Variants in UROC1 observed in about 807,000 individuals in gnomAD.
UROC1 encodes urocanate hydratase.
In UROC1, 79 loss-of-function variants were observed where a neutral mutation model predicts 89.5. The ratio of observed to expected loss-of-function variants is 0.88; its 90% CI spans 0.74 to 1.06. UROC1 has a LOEUF of 1.06. UROC1 is among the 50% of genes least tolerant of loss of function. The pLI is 0.00. For missense variants in UROC1, 885 were observed against 907.8 expected (o/e 0.97, Z 0.32); for synonymous variants, 361 against 354.8 (o/e 1.02, Z -0.20).
intron 15 of UROC1, among the ~76,000 whole-genome samples, chr3:126,494,842 G>A (rs1935742271): frequency 6.9e-6 from 1 of 144,444 alleles, no homozygotes; most frequent in African/African-American, 2.6e-5. Context: ...CCTCCCTGCT[G>A]GTGCTTTCCT....
chr3:126,510,017 A>G (rs1159875062), intron 2 of UROC1, among the ~76,000 whole-genome samples: 1 of 152,234 alleles, frequency 6.6e-6, no homozygotes, highest in Non-Finnish European at 1.5e-5. Context: ...ACTTTTGGGC[A>G]CCAATTCTCC....
At chr3:126,515,102 C>T (rs1358876498) in intron 1 of UROC1, among the ~76,000 whole-genome samples, 1 of 152,086 alleles carries the variant, frequency 6.6e-6, no homozygotes, top group East Asian at 1.9e-4. Flanking sequence ...CAGGTGGCCA[C>T]TCCTCCACCT....
At chr3:126,499,273 C>T in intron 13 of UROC1, 64 bp downstream of exon 13, 1 of 1,567,834 alleles carries the variant, frequency 6.4e-7, no homozygotes, top group Non-Finnish European at 8.7e-7. Flanking sequence ...ACCCAGGACG[C>T]AGACCCTGAA....
Position 126,489,336 on chromosome 3 carries a change from C to T in UROC1, c.1648G>A (p.Gly550Ser), listed in dbSNP as rs373958192. ...GTCTCCCTAAAGGGGCTGTCGGTGC[C>T]GCTCACGTCATGGTGATCTCGGCTC... ...VLSRDHHDVS[G>S]TDSPFRETSN... is the part of the protein sequence containing the mutation. The change falls in exon 17 of 20, where the codon GGC becomes AGC. Residue 550 changes from glycine (G) to serine (S), a missense_variant. Coordinates refer to ENST00000290868, the MANE Select transcript of UROC1 (RefSeq NM_144639.3). 6.2e-6 allele frequency: 10 copies of T among 1,613,366 alleles called. No homozygotes were observed. Among genetic ancestry groups the T allele is most frequent in the South Asian group, 4.4e-5 (4 of 91,092 alleles).
intron 1 of UROC1, among the ~76,000 whole-genome samples, chr3:126,511,113 G>A (rs1412110590): frequency 1.3e-5 from 2 of 152,124 alleles, no homozygotes; most frequent in Admixed American, 6.5e-5. Context: ...CCTGCCTGAG[G>A]CTTGTGGCTA....
At chr3:126,502,182 C>T (rs980277609) in intron 9 of UROC1, among the ~76,000 whole-genome samples, 23 of 151,278 alleles carry the variant, frequency 1.5e-4, no homozygotes, top group African/African-American at 2.7e-4. Flanking sequence ...TGGGCATGTG[C>T]GTGTGTGTGT....
At chr3:126,513,904 G>A (rs888950858) in intron 1 of UROC1, among the ~76,000 whole-genome samples, 5 of 152,144 alleles carry the variant, frequency 3.3e-5, no homozygotes, top group East Asian at 3.9e-4. Flanking sequence ...TCCATCAGCC[G>A]GCTGGGTCTG....
intron 18 of UROC1, among the ~76,000 whole-genome samples, chr3:126,483,940 A>G (rs1048062963): frequency 6.6e-6 from 1 of 152,212 alleles, no homozygotes; most frequent in Non-Finnish European, 1.5e-5. Flanking sequence ...TGACCATGAA[A>G]TCCTGGCCTG....
At chr3:126,505,075 G>A (rs746637827) in intron 8 of UROC1, among the ~76,000 whole-genome samples, 11 of 152,102 alleles carry the variant, frequency 7.2e-5, no homozygotes, top group Non-Finnish European at 1.3e-4. Context: ...CTCTCTCACC[G>A]TGTGACCCAC....
At chr3:126,504,131 C>G (rs1399656698) in intron 8 of UROC1, 48 bp from the exon 9 acceptor site, 1 of 1,593,266 alleles carries the variant, frequency 6.3e-7, no homozygotes, top group Non-Finnish European at 8.6e-7. Flanking sequence ...CACCCGGTTA[C>G]AAATCTTCCC....
At chr3:126,487,886 G>A (rs573992635) in intron 18 of UROC1, among the ~76,000 whole-genome samples, 1 of 152,200 alleles carries the variant, frequency 6.6e-6, no homozygotes, top group Non-Finnish European at 1.5e-5. Context: ...AAACTGACAT[G>A]CTGGAAACTA....
At position 126,510,749 on chromosome 3, in the gene UROC1, C is replaced by G; in HGVS notation, c.172G>C (p.Glu58Gln). Residue 58 changes from glutamate (E) to glutamine (Q), a missense_variant, in exon 2 of 20, where the codon GAG (glutamate) becomes CAG (glutamine). By Grantham distance (29) the Glu-to-Gln change is conservative (BLOSUM62 2). Transcript: ENST00000290868. ...TGGGCAAACTCTGGGGCCAGCAGCT[C>G]CTGGACATCCGGGGGGAAGTAGCGC... is the stretch of plus-strand genomic sequence containing the variant. ...ALRYFPPDVQ[E>Q]LLAPEFAQEL... 6.2e-7 allele frequency: 1 copy of G among 1,614,122 alleles called. No homozygotes were observed. Among genetic ancestry groups the G allele is most frequent in the Non-Finnish European group, 8.5e-7 (1 of 1,180,048 alleles).
At chr3:126,500,225 G>A (rs1422869161) in intron 11 of UROC1, 71 bp from the exon 12 acceptor site, 10 of 1,462,728 alleles carry the variant, frequency 6.8e-6, no homozygotes, top group African/African-American at 1.4e-5. Context: ...ACCCTCAGTC[G>A]CACCCGCCAT....
rs915823900 is a variant in UROC1, at chr3:126,500,772, A to G, written c.1068T>C (p.Pro356=). 6.2e-7 allele frequency: 1 copy of G among 1,614,096 alleles called. No individual in the cohort carries two copies. Among genetic ancestry groups the G allele is most frequent in the Non-Finnish European group, 8.5e-7 (1 of 1,180,022 alleles). ...CHNPFNGGYY[P]VQLSFTEAQS... is the part of the protein sequence containing the mutation. Reference sequence around the variant, plus strand: ...GGGCCTCCGTGAAGCTGAGCTGCACAGGGTAGTAGCCGCCATTGAACGGGT... The same window carrying G: ...GGGCCTCCGTGAAGCTGAGCTGCACGGGGTAGTAGCCGCCATTGAACGGGT... Residue 356 remains proline, a synonymous_variant, in exon 11 of 20, where the codon CCT becomes CCC. Coordinates refer to ENST00000290868, the MANE Select transcript of UROC1 (RefSeq NM_144639.3).
intron 16 of UROC1, among the ~76,000 whole-genome samples, chr3:126,490,612 GGGGTGGA>G (rs1376258944): frequency 6.6e-6 from 1 of 152,106 alleles, no homozygotes; most frequent in African/African-American, 2.4e-5. Flanking sequence ...TTTAATCTGG[GGGGTGGA>G]GGTTGCAGTG....
intron 16 of UROC1, among the ~76,000 whole-genome samples, chr3:126,490,550 T>A (rs1377282335): frequency 6.6e-6 from 1 of 151,998 alleles, no homozygotes; most frequent in Admixed American, 6.6e-5. Context: ...CCAGGTGTTG[T>A]GGTGCACGCC....
Position 126,507,955 on chromosome 3 carries a change from C to G in UROC1, c.540+12G>C, listed in dbSNP as rs202097588. 13 of 1,613,778 alleles carry G rather than the reference C, an allele frequency of 8.1e-6. No homozygotes were observed. The Admixed American group carries it at 2.2e-4, about 27-fold the overall frequency. ...CCCTGGGCAGGTGCTGTGCCACCTGCTGGGGACCCACCATCCCATTGGTGA... is the reference window on the plus strand; with the variant it reads ...CCCTGGGCAGGTGCTGTGCCACCTGGTGGGGACCCACCATCCCATTGGTGA... On this transcript the variant is annotated intron_variant, in intron 5 of 19. Coordinates refer to ENST00000290868, the MANE Select transcript of UROC1 (RefSeq NM_144639.3).
chr3:126,505,685 G>A lies in UROC1; in HGVS notation c.813+16C>T. ...GGAGGCAGGCAGGAGCGAAGGCCAG[G>A]AGCCCCCCAGCTTACCTCTGCTATC... On this transcript the variant is annotated intron_variant, in intron 8 of 19. Transcript: ENST00000290868. 1.9e-6 allele frequency: 3 copies of A among 1,613,276 alleles called. No individual in the cohort carries two copies. The highest frequency in any genetic ancestry group is 1.7e-4 in the Middle Eastern group (1 of 6,058).
chr3:126,502,458 G>A (rs1397015033), intron 9 of UROC1, among the ~76,000 whole-genome samples: 1 of 151,854 alleles, frequency 6.6e-6, no homozygotes, highest in Non-Finnish European at 1.5e-5. Flanking sequence ...TGCATTGTGT[G>A]TTGTGTGTGC....
Sources: allele counts gnomAD v4.1 joint callset (sites outside exome capture counted in the v4.1 genomes callset), GRCh38; gene constraint gnomAD v4.1.1; transcripts MANE v1.5; gene names NCBI Gene and HGNC (gene_info 2026-07-23, HGNC 2026-07-21).